GPATCH2: variants seen among roughly 807,000 people sequenced by gnomAD.
GPATCH2 encodes the protein G patch domain-containing protein 2.
GPATCH2 carries 51 observed loss-of-function variants against 58.0 expected under a neutral mutation model. The observed-to-expected ratio is 0.88, with a 90% CI of 0.70 to 1.11. The LOEUF (loss-of-function observed/expected upper bound fraction) is 1.11. Ranked by LOEUF, GPATCH2 falls within the 50% of genes most tolerant of loss-of-function variation. The probability of loss-of-function intolerance (pLI) is 0.00; values close to 1 mark genes in which losing one functional copy is unlikely to be tolerated. For synonymous variants in GPATCH2, 222 were observed against 218.5 expected (o/e 1.02, Z -0.14); for missense variants, 625 against 652.2 (o/e 0.96, Z 0.45).
At chr1:217,477,981 A>C (rs2102512803) in intron 8 of GPATCH2, among the ~76,000 whole-genome samples, 1 of 152,334 alleles carries the variant, frequency 6.6e-6, no homozygotes, top group Non-Finnish European at 1.5e-5. Context: ...ACTGGGAGAA[A>C]GTAAGGGAAG....
chr1:217,563,862 T>G (rs1019399354), intron 5 of GPATCH2, among the ~76,000 whole-genome samples: 2 of 151,910 alleles, frequency 1.3e-5, no homozygotes, highest in Non-Finnish European at 2.9e-5. Context: ...CTGACCAACA[T>G]GGAGGAACCC....
intron 5 of GPATCH2, among the ~76,000 whole-genome samples, chr1:217,538,979 GA>G (rs1449135538): frequency 6.6e-6 from 1 of 152,144 alleles, no homozygotes; most frequent in Admixed American, 6.5e-5. Flanking sequence ...AAAAGCAGAT[GA>G]AAAGGTGTAT....
intron 1 of GPATCH2, among the ~76,000 whole-genome samples, chr1:217,625,162 A>C (rs1458848523): frequency 6.6e-6 from 1 of 152,226 alleles, no homozygotes; most frequent in Non-Finnish European, 1.5e-5. Flanking sequence ...ATACCCAGTA[A>C]ATGAGTGAAC....
At chr1:217,537,235 C>T (rs548012592) in intron 5 of GPATCH2, among the ~76,000 whole-genome samples, 12 of 152,044 alleles carry the variant, frequency 7.9e-5, no homozygotes, top group Non-Finnish European at 1.2e-4. Flanking sequence ...CCATTAATAA[C>T]GCACTTTACC....
chr1:217,586,978 T>C (rs1227428675), intron 5 of GPATCH2, among the ~76,000 whole-genome samples: 1 of 152,158 alleles, frequency 6.6e-6, no homozygotes, highest in Admixed American at 6.5e-5. Flanking sequence ...TTCTTGATAG[T>C]AGTTACTTCT....
rs200877245 is a variant in GPATCH2, at chr1:217,610,380, G to A, written c.1039C>T (p.Arg347Cys). The A allele has an allele frequency of 1.1e-5, 18 of 1,601,780 alleles. No individual in the cohort carries two copies. The highest frequency in any genetic ancestry group is 1.7e-5 in the Admixed American group (1 of 59,786). Residue 347 changes from arginine to cysteine, a missense_variant, in exon 5 of 10, where the codon CGC (arginine) becomes TGC (cysteine). Arg to Cys is a radical substitution (Grantham distance 180). Coordinates refer to ENST00000366935, the MANE Select transcript of GPATCH2 (RefSeq NM_018040.5). ...SRRGFQARLS[R>C]LHGMSSKNIK... is the part of the protein sequence containing the mutation. ...TTCTTTGAAGACATTCCATGAAGGC[G>A]ACTGAGTCTAGCTTGGAAACCTGTA...
chr1:217,600,573 G>C (rs1205839522), intron 5 of GPATCH2, among the ~76,000 whole-genome samples: 1 of 152,098 alleles, frequency 6.6e-6, no homozygotes, highest in Admixed American at 6.6e-5. Flanking sequence ...TAGACCATCA[G>C]AATAATTGTA....
At chr1:217,512,685 A>G (rs1316370130) in intron 6 of GPATCH2, among the ~76,000 whole-genome samples, 1 of 152,222 alleles carries the variant, frequency 6.6e-6, no homozygotes, top group African/African-American at 2.4e-5. Flanking sequence ...AACACAACAG[A>G]AACCACTATA....
At chr1:217,596,741 A>G (rs1667849281) in intron 5 of GPATCH2, among the ~76,000 whole-genome samples, 1 of 152,216 alleles carries the variant, frequency 6.6e-6, no homozygotes, top group Admixed American at 6.5e-5. Flanking sequence ...GTAAAAAGCA[A>G]GGTTAAAGTC....
At chr1:217,447,604 A>G (rs1400104139) in intron 9 of GPATCH2, among the ~76,000 whole-genome samples, 5 of 152,246 alleles carry the variant, frequency 3.3e-5, no homozygotes, top group Admixed American at 2.6e-4. Flanking sequence ...ATATTATTCT[A>G]TACAAATACA....
At chr1:217,533,295 A>T (rs896689765) in intron 5 of GPATCH2, among the ~76,000 whole-genome samples, 2 of 152,146 alleles carry the variant, frequency 1.3e-5, no homozygotes, top group Admixed American at 1.3e-4. Flanking sequence ...TATGCGGATT[A>T]TATCTATTGA....
At chr1:217,537,192 G>A (rs147651568) in intron 5 of GPATCH2, among the ~76,000 whole-genome samples, 647 of 150,036 alleles carry the variant, frequency 4.3e-3, no homozygotes, top group Non-Finnish European at 7.2e-3. Flanking sequence ...GGTTTATTCC[G>A]TCTCTCTGAA....
chr1:217,547,248 A>T (rs1665101637), intron 5 of GPATCH2, among the ~76,000 whole-genome samples: 1 of 152,122 alleles, frequency 6.6e-6, no homozygotes. Flanking sequence ...CTGTAATCCC[A>T]GCTACTTGGG....
At chr1:217,552,646 C>T (rs1419851601) in intron 5 of GPATCH2, among the ~76,000 whole-genome samples, 1 of 152,144 alleles carries the variant, frequency 6.6e-6, no homozygotes, top group Non-Finnish European at 1.5e-5. Flanking sequence ...AACAAATTGC[C>T]TAAATTCCAA....
At chr1:217,456,707 A>G (rs1659962679) in intron 8 of GPATCH2, among the ~76,000 whole-genome samples, 1 of 152,222 alleles carries the variant, frequency 6.6e-6, no homozygotes, top group Admixed American at 6.5e-5. Context: ...AGAGAGGGTT[A>G]CCCAAAAAAA....
intron 5 of GPATCH2, among the ~76,000 whole-genome samples, chr1:217,531,079 T>A (rs1553337255): frequency 0.57 from 86,743 of 151,160 alleles, 26,134 homozygotes; most frequent in East Asian, 0.84. Flanking sequence ...ACACTTTATT[T>A]AATTTTATAC....
At chr1:217,557,012 C>T (rs1193962564) in intron 5 of GPATCH2, among the ~76,000 whole-genome samples, 4 of 152,138 alleles carry the variant, frequency 2.6e-5, no homozygotes, top group South Asian at 4.1e-4. Context: ...TCTTTACTTT[C>T]GCTCATCTTT....
intron 1 of GPATCH2, among the ~76,000 whole-genome samples, chr1:217,629,263 A>C (rs1026670531): frequency 2.0e-5 from 3 of 152,168 alleles, no homozygotes; most frequent in Non-Finnish European, 4.4e-5. Flanking sequence ...TAGAAAATAA[A>C]GATCCAGTTT....
At chr1:217,477,809 A>G (rs1571771702) in intron 8 of GPATCH2, among the ~76,000 whole-genome samples, 1 of 152,218 alleles carries the variant, frequency 6.6e-6, no homozygotes, top group East Asian at 1.9e-4. Flanking sequence ...CTCTGGACCT[A>G]CCTGGGGTCA....
Sources: allele counts gnomAD v4.1 joint callset (sites outside exome capture counted in the v4.1 genomes callset), GRCh38; gene constraint gnomAD v4.1.1; transcripts MANE v1.5; gene names NCBI Gene and HGNC (gene_info 2026-07-23, HGNC 2026-07-21).